SGIP1: variants seen among roughly 807,000 people sequenced by gnomAD.
SGIP1 encodes SH3GL interacting endocytic adaptor 1.
Under a neutral mutation model 107.5 loss-of-function variants are expected in SGIP1, and 38 were observed. The observed-to-expected ratio is 0.35, with a 90% CI of 0.27 to 0.46. The LOEUF is 0.46. Among genes scored for constraint, SGIP1 ranks in the 20% least tolerant of loss-of-function variants. The pLI is 1.00. For synonymous variants in SGIP1, 365 were observed against 366.1 expected, an observed-to-expected ratio of 1.00 and a Z score of 0.03; for missense variants, 929 against 1,019.5, an observed-to-expected ratio of 0.91 and a Z score of 1.21.
chr1:66,632,231 A>G (rs1350839844), intron 2 of SGIP1, among the ~76,000 whole-genome samples: 1 of 152,242 alleles, frequency 6.6e-6, no homozygotes, highest in African/African-American at 2.4e-5. Flanking sequence ...TTGGACACCC[A>G]GCTTCATCTT....
intron 10 of SGIP1, among the ~76,000 whole-genome samples, chr1:66,671,396 A>G (rs959174295): frequency 2.0e-5 from 3 of 152,200 alleles, no homozygotes; most frequent in African/African-American, 7.2e-5. Flanking sequence ...TTCTTGTGTT[A>G]TTTGATATGA....
intron 18 of SGIP1, 35 bp downstream of exon 18, chr1:66,695,528 T>C (rs2090740528): frequency 1.9e-6 from 3 of 1,596,280 alleles, no homozygotes; most frequent in South Asian, 2.2e-5. Context: ...TTCTAATTTA[T>C]ACTCCTCCTC....
chr1:66,556,125 T>A (rs1285538063), intron 1 of SGIP1, among the ~76,000 whole-genome samples: 1 of 152,092 alleles, frequency 6.6e-6, no homozygotes, highest in Non-Finnish European at 1.5e-5. Flanking sequence ...GCCTCTCTGG[T>A]CAATGGAGCA....
intron 1 of SGIP1, among the ~76,000 whole-genome samples, chr1:66,610,979 G>A (rs1293211743): frequency 1.3e-5 from 2 of 151,926 alleles, no homozygotes; most frequent in Admixed American, 6.6e-5. Flanking sequence ...TTGGAAACTC[G>A]GTGGGAAAGG....
At chr1:66,679,470 C>T (rs915952577) in intron 13 of SGIP1, among the ~76,000 whole-genome samples, 7 of 152,136 alleles carry the variant, frequency 4.6e-5, no homozygotes, top group African/African-American at 1.4e-4. Context: ...ATTCTCTTGA[C>T]GTTCTCTTAT....
At chr1:66,599,329 T>C (rs894143423) in intron 1 of SGIP1, among the ~76,000 whole-genome samples, 3 of 152,212 alleles carry the variant, frequency 2.0e-5, no homozygotes, top group Non-Finnish European at 4.4e-5. Context: ...AAGATAGGTA[T>C]AATCAGCCTA....
At chr1:66,670,011 T>C (rs1349965344) in intron 9 of SGIP1, among the ~76,000 whole-genome samples, 1 of 152,138 alleles carries the variant, frequency 6.6e-6, no homozygotes, top group Non-Finnish European at 1.5e-5. Flanking sequence ...GGAAAAAATG[T>C]GTTTGGTGGC....
chr1:66,658,197 A>G (rs1165766725), intron 7 of SGIP1, among the ~76,000 whole-genome samples: 1 of 152,198 alleles, frequency 6.6e-6, no homozygotes, highest in Non-Finnish European at 1.5e-5. Flanking sequence ...CTTATAAGTA[A>G]GAGTTTTAGT....
At chr1:66,729,727 C>T (rs1333887569) in intron 20 of SGIP1, among the ~76,000 whole-genome samples, 3 of 152,188 alleles carry the variant, frequency 2.0e-5, no homozygotes, top group Non-Finnish European at 4.4e-5. Flanking sequence ...TCATTATCAA[C>T]AGACAGTGGA....
chr1:66,657,447 A>G (rs1366144144), intron 7 of SGIP1, among the ~76,000 whole-genome samples: 1 of 152,196 alleles, frequency 6.6e-6, no homozygotes, highest in African/African-American at 2.4e-5. Context: ...ATTCACCTCT[A>G]TTAGCTTTGA....
intron 1 of SGIP1, among the ~76,000 whole-genome samples, chr1:66,549,859 C>T (rs538964385): frequency 7.2e-4 from 109 of 152,220 alleles, no homozygotes; most frequent in African/African-American, 2.5e-3. Flanking sequence ...CACTGACTCC[C>T]CAGAATCCTT....
chr1:66,635,027 C>T (rs1355124504), intron 3 of SGIP1, among the ~76,000 whole-genome samples: 1 of 152,200 alleles, frequency 6.6e-6, no homozygotes, highest in Non-Finnish European at 1.5e-5. Context: ...TTTTGAATGT[C>T]AAGTGTTGAA....
chr1:66,667,705 G>A (rs2082877319), intron 9 of SGIP1, among the ~76,000 whole-genome samples, 164 bp downstream of exon 9: 1 of 152,106 alleles, frequency 6.6e-6, no homozygotes, highest in African/African-American at 2.4e-5. Context: ...AAGTATCAAG[G>A]GCATATTTTA....
In SGIP1 at chr1:66,651,305, G is replaced by A. The variant is rs78273291; in HGVS notation, c.459+7586G>A. ...ATGCTCCCAACAACCTGTGAGATCAGTACTATTGATATCCCCACTTTACAG... is the reference window on the plus strand; with the variant it reads ...ATGCTCCCAACAACCTGTGAGATCAATACTATTGATATCCCCACTTTACAG... On this transcript the variant is annotated intron_variant, in intron 7 of 24. Transcript: ENST00000371037. Among the ~76,000 whole-genome samples the A allele has an allele frequency of 7.1e-3, 1,076 of 152,220 alleles. 19 individuals are homozygous for A. The highest frequency in any genetic ancestry group is 0.024 in the African/African-American group (1,005 of 41,514).
At chr1:66,692,398 TTA>T (rs2090055015) in intron 17 of SGIP1, among the ~76,000 whole-genome samples, 1 of 152,176 alleles carries the variant, frequency 6.6e-6, no homozygotes. Context: ...TTTGATTTTG[TTA>T]TGTTTATTTG....
At position 66,636,021 on chromosome 1, in the gene SGIP1, G is replaced by T. The variant is rs1268648447; in HGVS notation, c.171+6G>T. On this transcript the variant is annotated splice_donor_region_variant and intron_variant, in intron 4 of 24. Coordinates refer to ENST00000371037, the MANE Select transcript of SGIP1 (RefSeq NM_032291.4). The stretch of plus-strand genomic sequence containing the variant: ...AAGGAGGAAAAAAAGTTTCGGTAAG[G>T]AAACAGATTTTAGTTTAAAATTTCC... The T allele has an allele frequency of 1.2e-6, 2 of 1,612,826 alleles. No individual in the cohort carries two copies. The highest frequency in any genetic ancestry group is 1.7e-6 in the Non-Finnish European group (2 of 1,179,410).
At chr1:66,733,117 G>T (rs866455009) in intron 20 of SGIP1, among the ~76,000 whole-genome samples, 4 of 152,134 alleles carry the variant, frequency 2.6e-5, no homozygotes, top group African/African-American at 9.7e-5. Flanking sequence ...TAGAGACTCT[G>T]CTCTTCTTCT....
rs377525233 is a variant in SGIP1, at chr1:66,682,596, G to A, written c.1315+227G>A. On this transcript the variant is annotated intron_variant, in intron 15 of 24. Coordinates refer to ENST00000371037, the MANE Select transcript of SGIP1 (RefSeq NM_032291.4). ...CCTTGCACTCCCAGCCCTTAGGTGT[G>A]CCCTGCCATCCACGCTGCAGTTAAG... Among the ~76,000 whole-genome samples the A allele has an allele frequency of 3.2e-4, 48 of 152,196 alleles. No homozygotes were observed. The South Asian group carries it at 1.0e-2, about 32-fold the overall frequency.
chr1:66,665,314 T>A lies in SGIP1; in HGVS notation c.472-2216T>A, dbSNP rs2082304617. Among the ~76,000 whole-genome samples, 4 of 152,236 alleles carry A rather than the reference T, an allele frequency of 2.6e-5. No homozygotes were observed. The South Asian group carries it at 8.3e-4, about 32-fold the overall frequency. ...AAAGGACATGAACCCATCCTTTTTA[T>A]GGCTGCATAGTATTCCATGGTGTAT... On this transcript the variant is annotated intron_variant, in intron 8 of 24. Transcript: ENST00000371037.
Sources: allele counts gnomAD v4.1 joint callset (sites outside exome capture counted in the v4.1 genomes callset), GRCh38; gene constraint gnomAD v4.1.1; transcripts MANE v1.5; gene names NCBI Gene and HGNC (gene_info 2026-07-23, HGNC 2026-07-21).